Variants in ACSM2B observed in about 807,000 individuals in gnomAD.
ACSM2B encodes acyl-coenzyme A synthetase ACSM2B, mitochondrial.
ACSM2B carries 58 observed loss-of-function variants against 78.6 expected under a neutral mutation model. The observed-to-expected ratio is 0.74, with a 90% CI of 0.60 to 0.92. The LOEUF (loss-of-function observed/expected upper bound fraction) is 0.92. ACSM2B is among the 40% of genes least tolerant of loss of function. The pLI is 0.00. For missense variants in ACSM2B, 688 were observed against 711.2 expected, an observed-to-expected ratio of 0.97 and a Z score of 0.37; for synonymous variants, 257 against 256.8, an observed-to-expected ratio of 1.00 and a Z score of -0.01.
At chr16:20,556,384 T>G (rs892676271) in intron 3 of ACSM2B, among the ~76,000 whole-genome samples, 6 of 152,268 alleles carry the variant, frequency 3.9e-5, no homozygotes, top group African/African-American at 1.4e-4. Flanking sequence ...GGCAGACTAT[T>G]AGAGGTCAAG....
intron 6 of ACSM2B, chr16:20,549,893 A>T (rs2015252403): frequency 5.0e-6 from 2 of 397,998 alleles, no homozygotes; most frequent in Middle Eastern, 8.8e-4. Flanking sequence ...GATCAATAGA[A>T]AGGAATGCCT....
intron 1 of ACSM2B, chr16:20,574,396 G>T (rs2016187376): frequency 6.6e-6 from 1 of 151,614 alleles, no homozygotes; most frequent in South Asian, 2.1e-4. Context: ...TACATTCTGA[G>T]CTTATGAAGA....
At chr16:20,547,814 T>C (rs536201227) in intron 8 of ACSM2B, 1 of 1,053,186 alleles carries the variant, frequency 9.5e-7, no homozygotes, top group South Asian at 2.2e-5. Context: ...CCTGCCATGC[T>C]AGATATTTCT....
Position 20,540,327 on chromosome 16 carries a change from A to C in ACSM2B, c.1629+327T>G, listed in dbSNP as rs142750879. Reference sequence around the variant, plus strand: ...GCATGATCTCGGCTCACTGTAACCTACACCTCCCAGATTCGAGCGATTCTC... The same window carrying C: ...GCATGATCTCGGCTCACTGTAACCTCCACCTCCCAGATTCGAGCGATTCTC... On this transcript the variant is annotated intron_variant, in intron 13 of 13. Transcript: ENST00000329697. Among the ~76,000 whole-genome samples the C allele has an allele frequency of 1.1e-3, 158 of 148,356 alleles. No individual in the cohort carries two copies. In the Middle Eastern group the frequency reaches 0.014, roughly 13 times the overall value.
At chr16:20,554,563 G>A (rs1027100787) in intron 4 of ACSM2B, among the ~76,000 whole-genome samples, 1 of 152,190 alleles carries the variant, frequency 6.6e-6, no homozygotes, top group African/African-American at 2.4e-5. Flanking sequence ...TTTCAGACAT[G>A]TTGACAGAGA....
intron 8 of ACSM2B, 23 bp from the exon 9 acceptor site, chr16:20,546,497 C>T (rs1263314354): frequency 1.3e-6 from 2 of 1,580,270 alleles, no homozygotes; most frequent in East Asian, 2.2e-5. Context: ...GCAGACAGAT[C>T]AGCAAACCTC....
In ACSM2B at chr16:20,540,755, T is replaced by C. The variant is rs766749039; in HGVS notation, c.1528A>G (p.Ile510Val). 15 of 1,613,868 alleles carry C rather than the reference T, an allele frequency of 9.3e-6. No individual in the cohort carries two copies. The highest frequency in any genetic ancestry group is 4.5e-5 in the East Asian group (2 of 44,856). Residue 510 changes from isoleucine to valine, a missense_variant, in exon 13 of 14, where the codon ATC becomes GTC. Coordinates refer to ENST00000329697, the MANE Select transcript of ACSM2B (RefSeq NM_001105069.2). ...TGGGATAGGAACTGCGAGGCCAGGA[T>C]CACAAATGCCTTCACCACCTGCAAA... ...VRGEVVKAFV[I>V]LASQFLSHDP...
intron 1 of ACSM2B, among the ~76,000 whole-genome samples, chr16:20,566,709 G>GTATATATATACTATATATACTATATATAC (rs1171391065): frequency 1.2e-4 from 2 of 16,964 alleles, no homozygotes; most frequent in African/African-American, 8.6e-4. Flanking sequence ...TATATATATA[G>GTATATATATACTATATATACTATATATAC]TATATATAGT....
intron 9 of ACSM2B, 125 bp downstream of exon 9, chr16:20,546,269 T>C: frequency 6.9e-7 from 1 of 1,444,476 alleles, no homozygotes; most frequent in South Asian, 1.7e-5. Context: ...TCCGTCCCTT[T>C]TTTCTGATAT....
At chr16:20,545,053 A>T in intron 10 of ACSM2B, 104 bp downstream of exon 10, 1 of 1,421,382 alleles carries the variant, frequency 7.0e-7, no homozygotes, top group Non-Finnish European at 9.4e-7. Context: ...CTTTGTCTCC[A>T]TATCTAATGC....
chr16:20,547,976 C>A, intron 8 of ACSM2B, 86 bp downstream of exon 8: 2 of 1,591,258 alleles, frequency 1.3e-6, no homozygotes, highest in South Asian at 1.1e-5. Flanking sequence ...ATGAATGATA[C>A]ATGGTGGCTA....
At chr16:20,564,465 A>G (rs1415176990) in intron 2 of ACSM2B, among the ~76,000 whole-genome samples, 4 of 152,124 alleles carry the variant, frequency 2.6e-5, no homozygotes, top group African/African-American at 9.7e-5. Flanking sequence ...CCAGGTTGCC[A>G]CACTCCTGTG....
chr16:20,561,785 A>G lies in ACSM2B; in HGVS notation c.178-2338T>C, dbSNP rs1250190380. Among the ~76,000 whole-genome samples, 13 of 151,730 alleles carry G rather than the reference A, an allele frequency of 8.6e-5. No homozygotes were observed. The East Asian group carries it at 2.5e-3, about 29-fold the overall frequency. On this transcript the variant is annotated intron_variant, in intron 2 of 13. Coordinates refer to ENST00000329697, the MANE Select transcript of ACSM2B (RefSeq NM_001105069.2). ...ACGTGCACGTTTGTCACATATGTAT[A>G]CATGTGCCATGTTGGTGTGCTGCAC...
chr16:20,537,359 C>T lies in ACSM2B; in HGVS notation c.1633G>A (p.Glu545Lys). 2 of 1,613,934 alleles carry T rather than the reference C, an allele frequency of 1.2e-6. No homozygotes were observed. Among genetic ancestry groups the T allele is most frequent in the East Asian group, 2.2e-5 (1 of 44,862 alleles). ...TAPYKYPRKIEFVLNLPKTVT... is the reference protein window; with the variant it reads ...TAPYKYPRKIKFVLNLPKTVT... ...GTCTTGGGCAGGTTCAAGACAAACT[C>T]TATCTGTTGAAAAACAAATCAGTCC... is the stretch of plus-strand genomic sequence containing the variant. Residue 545 changes from glutamate to lysine, a missense_variant, in exon 14 of 14, where the codon GAG becomes AAG. Physicochemically the swap from Glu to Lys is moderately conservative, Grantham distance 56. Coordinates refer to ENST00000329697, the MANE Select transcript of ACSM2B (RefSeq NM_001105069.2).
At position 20,572,858 on chromosome 16, in the gene ACSM2B, A is replaced by G. The variant is rs149309827; in HGVS notation, c.-9+3349T>C. On this transcript the variant is annotated intron_variant, in intron 1 of 13. Transcript: ENST00000329697. The stretch of plus-strand genomic sequence containing the variant: ...TGAAGTTATTTCTTCTGCTTGTTCA[A>G]TTCTATTGTTGAGGCTTTTCAGTGC... Among the ~76,000 whole-genome samples, 18 of 151,608 alleles carry G rather than the reference A, an allele frequency of 1.2e-4. No individual in the cohort carries two copies. In the East Asian group the frequency reaches 3.3e-3, roughly 28 times the overall value.
chr16:20,571,597 G>A (rs368253231), intron 1 of ACSM2B, among the ~76,000 whole-genome samples: 1,688 of 147,330 alleles, frequency 0.011, 17 homozygotes, highest in South Asian at 0.066. Context: ...TCTGTTTTAC[G>A]GTACAGTTTA....
chr16:20,557,392 C>A (rs905081855), intron 3 of ACSM2B, among the ~76,000 whole-genome samples: 1 of 148,728 alleles, frequency 6.7e-6, no homozygotes, highest in African/African-American at 2.6e-5. Flanking sequence ...CTTTGAATAA[C>A]CCTGTTATTA....
intron 12 of ACSM2B, chr16:20,542,487 A>G (rs1363633401): frequency 5.5e-6 from 1 of 182,108 alleles, no homozygotes; most frequent in Non-Finnish European, 1.2e-5. Context: ...ACCACATATT[A>G]TTTATCCTTT....
At chr16:20,548,025 A>T in intron 8 of ACSM2B, 37 bp downstream of exon 8, 1 of 1,606,114 alleles carries the variant, frequency 6.2e-7, no homozygotes. Context: ...AAGCCCAAAA[A>T]GTGCACACAG....
Sources: gnomAD v4.1 joint callset for allele counts (sites outside exome capture counted in the v4.1 genomes callset) on GRCh38, gnomAD v4.1.1 for gene constraint, MANE v1.5 for transcripts, NCBI Gene and HGNC (gene_info 2026-07-23, HGNC 2026-07-21) for gene names.